Variants in IRAG2 observed in about 807,000 individuals in gnomAD.
The protein encoded by IRAG2 is inositol 1,4,5-triphosphate receptor associated 2, also known as lymphoid restricted membrane protein.
IRAG2 carries 45 observed loss-of-function variants against 69.9 expected under a neutral mutation model. The observed-to-expected ratio is 0.64, with a 90% CI of 0.51 to 0.83. The LOEUF is 0.83. Ranked by LOEUF, IRAG2 falls within the 40% of genes least tolerant of loss-of-function variation. The pLI, the probability that IRAG2 is intolerant of heterozygous loss-of-function variation, is 0.00. For synonymous variants in IRAG2, 193 were observed against 202.4 expected, an observed-to-expected ratio of 0.95 and a Z score of 0.40; for missense variants, 520 against 587.0, an observed-to-expected ratio of 0.89 and a Z score of 1.18.
At chr12:25,083,382 C>T in intron 9 of IRAG2, 41 bp from the exon 10 acceptor site, 2 of 1,300,878 alleles carry the variant, frequency 1.5e-6, no homozygotes, top group South Asian at 2.4e-5. Flanking sequence ...TTACTTGCTC[C>T]TGCCCCCCTA....
chr12:25,037,133 A>C (rs2139855087), intron 15 of IRAG2, among the ~76,000 whole-genome samples: 1 of 152,264 alleles, frequency 6.6e-6, no homozygotes, highest in East Asian at 1.9e-4. Flanking sequence ...TCCCAGCTTT[A>C]TTAGAAAGGA....
intron 17 of IRAG2, chr12:25,102,530 T>C: frequency 2.6e-6 from 1 of 385,216 alleles, no homozygotes; most frequent in Admixed American, 4.4e-5. Flanking sequence ...CACAAGATCC[T>C]GAGGGATCAG....
At chr12:25,060,406 T>C (rs1043688847) in intron 1 of IRAG2, among the ~76,000 whole-genome samples, 3 of 152,152 alleles carry the variant, frequency 2.0e-5, no homozygotes, top group African/African-American at 7.2e-5. Flanking sequence ...TTAGAGATTT[T>C]ACTTAAGCAG....
chr12:25,008,374 G>C (rs985426106), intron 2 of IRAG2, among the ~76,000 whole-genome samples: 3 of 152,118 alleles, frequency 2.0e-5, no homozygotes, highest in African/African-American at 7.2e-5. Context: ...GGCCAAGGTG[G>C]AGGCTCTGCT....
upstream of IRAG2, among the ~76,000 whole-genome samples, chr12:25,048,603 C>CT (rs1944816973): frequency 6.6e-6 from 1 of 151,946 alleles, no homozygotes; most frequent in Non-Finnish European, 1.5e-5. Flanking sequence ...GGCTTGACCA[C>CT]TTTGTAATAT....
chr12:25,095,001 A>C (rs1009279082), intron 14 of IRAG2, among the ~76,000 whole-genome samples: 10 of 152,090 alleles, frequency 6.6e-5, no homozygotes, highest in Non-Finnish European at 1.3e-4. Context: ...TATGTATGAG[A>C]TCATATCATC....
chr12:25,045,808 T>C (rs1424660394), intron 16 of IRAG2, among the ~76,000 whole-genome samples: 1 of 143,404 alleles, frequency 7.0e-6, no homozygotes, highest in Admixed American at 7.1e-5. Context: ...TTAAAGAAGA[T>C]TAACGCTAAT....
intron 13 of IRAG2, 67 bp downstream of exon 13, chr12:25,089,857 C>T: frequency 1.3e-6 from 2 of 1,513,572 alleles, no homozygotes; most frequent in Non-Finnish European, 1.8e-6. Context: ...ACAGTCACTT[C>T]ATGTTTTGGC....
At position 25,011,528 on chromosome 12, in the gene IRAG2, G is replaced by A; in HGVS notation, c.873G>A (p.Trp291Ter). The change falls in exon 3 of 39, where the codon TGG becomes TGA. Residue 291 changes from tryptophan (W) to a stop codon, truncating the protein, a stop_gained. Coordinates refer to the IRAG2 transcript ENST00000636465. LOFTEE classifies it high-confidence loss of function. The stretch of plus-strand genomic sequence containing the variant: ...CTTTCCAGGCCATGATGAAAGACTG[G>A]ATGGCTTACTGTGGAAACACATGGT... 1.6e-6 allele frequency: 2 copies of A among 1,231,690 alleles called. No homozygotes were observed. Among genetic ancestry groups the A allele is most frequent in the African/African-American group, 3.1e-5 (2 of 64,546 alleles). The allele number at this position is 1,231,690 out of a possible 1,614,324, so 76.3% of individuals were successfully genotyped here.
chr12:25,014,273 A>G (rs746906317), intron 3 of IRAG2, among the ~76,000 whole-genome samples: 5 of 152,098 alleles, frequency 3.3e-5, no homozygotes, highest in Non-Finnish European at 5.9e-5. Flanking sequence ...AAAAGAAAAA[A>G]CATTTTTATA....
intron 8 of IRAG2, among the ~76,000 whole-genome samples, chr12:25,024,564 C>T (rs750844422): frequency 1.3e-5 from 2 of 152,156 alleles, no homozygotes. Context: ...TAATAGACAC[C>T]ATTTGAATAT....
intron 1 of IRAG2, chr12:25,004,965 A>G (rs1944419784): frequency 9.0e-7 from 1 of 1,110,520 alleles, no homozygotes; most frequent in Admixed American, 4.2e-5. Context: ...CAATAAACAT[A>G]TCTACTTTTA....
intron 13 of IRAG2, 30 bp downstream of exon 13, chr12:25,089,820 TAAA>T: frequency 6.2e-7 from 1 of 1,608,266 alleles, no homozygotes; most frequent in African/African-American, 1.3e-5. Context: ...TTTTTCCTTT[TAAA>T]AAAGTGTTCC....
chr12:25,029,219 A>G (rs1346499569), intron 9 of IRAG2, among the ~76,000 whole-genome samples: 4 of 152,244 alleles, frequency 2.6e-5, no homozygotes, highest in African/African-American at 9.6e-5. Flanking sequence ...GCTGTAAGCC[A>G]CCATGCCCAG....
At chr12:25,034,143 C>T (rs1223329876) in intron 13 of IRAG2, among the ~76,000 whole-genome samples, 1 of 152,212 alleles carries the variant, frequency 6.6e-6, no homozygotes, top group East Asian at 1.9e-4. Flanking sequence ...CCGAAAGCTA[C>T]AGCAAGGTTG....
chr12:25,093,991 C>T (rs946579736), intron 14 of IRAG2: 8 of 152,090 alleles, frequency 5.3e-5, no homozygotes, highest in African/African-American at 1.9e-4. Flanking sequence ...GATATTAACC[C>T]CTTATCAGTC....
intron 1 of IRAG2, among the ~76,000 whole-genome samples, chr12:25,054,775 C>A (rs1591951854): frequency 6.6e-6 from 1 of 152,148 alleles, no homozygotes; most frequent in Non-Finnish European, 1.5e-5. Flanking sequence ...GCTTATATGA[C>A]CATGTACTTA....
chr12:25,075,516 G>A (rs1485396002), intron 6 of IRAG2, among the ~76,000 whole-genome samples: 3 of 133,960 alleles, frequency 2.2e-5, no homozygotes, highest in Admixed American at 8.4e-5. Flanking sequence ...CTGTGTGTGT[G>A]TATGCGTGTG....
At chr12:25,085,587 G>T (rs1405030864) in intron 10 of IRAG2, among the ~76,000 whole-genome samples, 1 of 152,140 alleles carries the variant, frequency 6.6e-6, no homozygotes, top group African/African-American at 2.4e-5. Context: ...ACAGGATGAG[G>T]GGCATGGTAG....
Sources: allele counts gnomAD v4.1 joint callset (sites outside exome capture counted in the v4.1 genomes callset), GRCh38; gene constraint gnomAD v4.1.1; transcripts MANE v1.5; gene names NCBI Gene and HGNC (gene_info 2026-07-23, HGNC 2026-07-21).